Variants in NTM observed in about 807,000 individuals in gnomAD.
NTM encodes IgLON family member 2.
Under a neutral mutation model 42.1 loss-of-function variants are expected in NTM, and 13 were observed. The observed-to-expected ratio is 0.31, with a 90% confidence interval of 0.20 to 0.49. The LOEUF (loss-of-function observed/expected upper bound fraction) is 0.49, where lower values mean the gene tolerates loss of function less well. Ranked by LOEUF, NTM falls within the 20% of genes least tolerant of loss-of-function variation. NTM has a pLI of 0.99. For synonymous variants in NTM, 187 were observed against 179.2 expected (o/e 1.04, Z -0.35); for missense variants, 373 against 452.8 (o/e 0.82, Z 1.60).
At chr11:132,237,876 G>A (rs2089367173) in intron 4 of NTM, among the ~76,000 whole-genome samples, 1 of 152,172 alleles carries the variant, frequency 6.6e-6, no homozygotes, top group African/African-American at 2.4e-5. Flanking sequence ...AATTCTGTCG[G>A]CAGCCCAACC....
intron 1 of NTM, among the ~76,000 whole-genome samples, chr11:131,900,139 G>A (rs2052926863): frequency 6.6e-6 from 1 of 152,240 alleles, no homozygotes; most frequent in Non-Finnish European, 1.5e-5. Flanking sequence ...TCATGAGCCA[G>A]TCAGAACCGA....
intron 2 of NTM, among the ~76,000 whole-genome samples, chr11:132,135,965 C>T (rs1334308158): frequency 1.3e-5 from 2 of 152,192 alleles, no homozygotes; most frequent in Admixed American, 1.3e-4. Flanking sequence ...GCCACGTCAC[C>T]TAGGTTAACT....
In NTM at chr11:132,215,201, G is replaced by T. The variant is rs537298331; in HGVS notation, c.526+3054G>T. On this transcript the variant is annotated intron_variant, in intron 4 of 8. Coordinates refer to ENST00000683400, the MANE Select transcript of NTM (RefSeq NM_001352005.2). Reference sequence around the variant, plus strand: ...GTTGTCATCTTTTGTGTCATTCTTCGAGGGTAGATCACAGTTCCATCAAGA... The same window carrying T: ...GTTGTCATCTTTTGTGTCATTCTTCTAGGGTAGATCACAGTTCCATCAAGA... Among the ~76,000 whole-genome samples, 3 of 152,322 alleles carry T rather than the reference G, an allele frequency of 2.0e-5. No homozygotes were observed. The South Asian group carries it at 6.2e-4, about 32-fold the overall frequency.
At chr11:131,746,042 G>A (rs1367142925) in intron 1 of NTM, among the ~76,000 whole-genome samples, 1 of 152,062 alleles carries the variant, frequency 6.6e-6, no homozygotes, top group Non-Finnish European at 1.5e-5. Flanking sequence ...GGGGAGGCAG[G>A]GGTGTTCCCA....
At chr11:132,296,712 C>CAGTAGTAG (rs2094624677) in intron 4 of NTM, among the ~76,000 whole-genome samples, 2 of 152,162 alleles carry the variant, frequency 1.3e-5, no homozygotes, top group South Asian at 2.1e-4. Context: ...TAGAAAGGCA[C>CAGTAGTAG]AGTAGTAGTG....
intron 1 of NTM, among the ~76,000 whole-genome samples, chr11:131,747,406 T>TA (rs1285871465): frequency 1.3e-5 from 2 of 152,194 alleles, no homozygotes; most frequent in Non-Finnish European, 1.5e-5. Context: ...TTGTGTCTCC[T>TA]AAATCTTTCT....
At chr11:132,138,152 A>C (rs1358408993) in intron 2 of NTM, among the ~76,000 whole-genome samples, 1 of 152,198 alleles carries the variant, frequency 6.6e-6, no homozygotes, top group Non-Finnish European at 1.5e-5. Context: ...CCCTGAAAGC[A>C]AGCACGAGTC....
intron 1 of NTM, among the ~76,000 whole-genome samples, chr11:131,850,290 A>G (rs2045381920): frequency 1.3e-5 from 2 of 152,214 alleles, no homozygotes; most frequent in Non-Finnish European, 2.9e-5. Flanking sequence ...TTAAATTTGC[A>G]TACTTGAAGC....
intron 2 of NTM, among the ~76,000 whole-genome samples, chr11:132,081,675 T>A (rs2059073270): frequency 6.7e-6 from 1 of 148,602 alleles, no homozygotes; most frequent in African/African-American, 2.5e-5. Flanking sequence ...GAGCTTGCAG[T>A]GAGCCGAGAT....
chr11:132,012,212 T>C (rs1025227582), intron 2 of NTM, among the ~76,000 whole-genome samples: 1 of 152,188 alleles, frequency 6.6e-6, no homozygotes, highest in Non-Finnish European at 1.5e-5. Flanking sequence ...CAAAGAACGA[T>C]AGAAGACAGT....
At chr11:131,706,411 A>C (rs992229567) in intron 1 of NTM, among the ~76,000 whole-genome samples, 6 of 152,076 alleles carry the variant, frequency 3.9e-5, no homozygotes, top group Non-Finnish European at 5.9e-5. Context: ...CATTTACAAT[A>C]ATGTATAGCT....
At chr11:131,536,600 A>T (rs1474347285) in intron 1 of NTM, 1 of 152,222 alleles carries the variant, frequency 6.6e-6, no homozygotes, top group African/African-American at 2.4e-5. Flanking sequence ...ACTTAATTTA[A>T]TTCTCTTTAT....
intron 1 of NTM, among the ~76,000 whole-genome samples, chr11:131,494,178 A>G (rs542487309): frequency 2.0e-5 from 3 of 151,408 alleles, no homozygotes; most frequent in South Asian, 2.1e-4. Context: ...TACTATTGTT[A>G]TTATTATTAT....
chr11:131,396,557 G>A (rs1042043422), intron 1 of NTM, among the ~76,000 whole-genome samples: 22 of 152,230 alleles, frequency 1.4e-4, no homozygotes, highest in African/African-American at 2.2e-4. Context: ...GGCTGGGCGC[G>A]GTGGCTCACA....
chr11:131,833,315 A>G (rs2043060572), intron 1 of NTM, among the ~76,000 whole-genome samples: 1 of 152,220 alleles, frequency 6.6e-6, no homozygotes, highest in African/African-American at 2.4e-5. Context: ...TGCTATCAAT[A>G]TCTAACAATT....
At chr11:131,645,244 C>T (rs2065628995) in intron 1 of NTM, among the ~76,000 whole-genome samples, 1 of 152,208 alleles carries the variant, frequency 6.6e-6, no homozygotes, top group Non-Finnish European at 1.5e-5. Flanking sequence ...GTTTTAATGA[C>T]AAGGCCCTGC....
At chr11:131,611,206 A>C (rs2061436666) in intron 1 of NTM, among the ~76,000 whole-genome samples, 1 of 152,190 alleles carries the variant, frequency 6.6e-6, no homozygotes, top group South Asian at 2.1e-4. Flanking sequence ...TGGTCAAAAA[A>C]ATGTGAGTCA....
chr11:131,507,317 CT>C (rs1480655761), intron 1 of NTM, among the ~76,000 whole-genome samples: 1 of 151,574 alleles, frequency 6.6e-6, no homozygotes, highest in Non-Finnish European at 1.5e-5. Flanking sequence ...ATAGGGAATC[CT>C]TTCCCCATTG....
At chr11:131,792,327 T>C (rs1377306838) in intron 1 of NTM, among the ~76,000 whole-genome samples, 2 of 152,268 alleles carry the variant, frequency 1.3e-5, no homozygotes, top group Middle Eastern at 3.4e-3. Context: ...TGGAGTAAGT[T>C]TGGGTGGAGA....
Sources: allele counts gnomAD v4.1 joint callset (sites outside exome capture counted in the v4.1 genomes callset), GRCh38; gene constraint gnomAD v4.1.1; transcripts MANE v1.5; gene names NCBI Gene and HGNC (gene_info 2026-07-23, HGNC 2026-07-21).